The following VEGFC variants were observed in gnomAD, a reference collection of about 807,000 sequenced individuals.
The protein encoded by VEGFC is vascular endothelial growth factor C, also known as FLT4 ligand DHM.
In VEGFC, 12 loss-of-function variants were observed where a neutral mutation model predicts 46.1. That is an observed-to-expected ratio of 0.26 (90% CI 0.17 to 0.42). VEGFC has a LOEUF of 0.42. VEGFC is among the 10% of genes least tolerant of loss of function. VEGFC has a pLI of 1.00. For synonymous variants in VEGFC, 232 were observed against 195.5 expected, an observed-to-expected ratio of 1.19 and a Z score of -1.56; for missense variants, 488 against 529.4, an observed-to-expected ratio of 0.92 and a Z score of 0.77.
intron 3 of VEGFC, among the ~76,000 whole-genome samples, chr4:176,715,723 G>A (rs558067349): frequency 4.0e-4 from 59 of 148,988 alleles, no homozygotes; most frequent in Admixed American, 1.8e-3. Context: ...AAGAATTTCC[G>A]TAAGCTTTTT....
At chr4:176,694,615 T>A (rs2110976477) in intron 4 of VEGFC, among the ~76,000 whole-genome samples, 1 of 151,994 alleles carries the variant, frequency 6.6e-6, no homozygotes, top group East Asian at 1.9e-4. Context: ...AACTCAGTTC[T>A]GCACCAAGCG....
Position 176,792,239 on chromosome 4 carries a change from C to A in VEGFC, c.73G>T (p.Ala25Ser). The change falls in exon 1 of 7, where the codon GCG becomes TCG. Residue 25 changes from alanine (A) to serine (S), a missense_variant. Ala to Ser is a moderately conservative substitution (Grantham distance 99, BLOSUM62 1). Transcript: ENST00000618562. The surrounding 1 kb of genome is among the most constrained non-coding windows in gnomAD (Gnocchi z 6.3). The part of the protein sequence containing the change: ...AAALLPGPRE[A>S]PAAAAAFESG... ...TCGAAGGCGGCGGCGGCGGCGGGCG[C>A]CTCGCGAGGACCCGGGAGCAGCGCA... is the stretch of plus-strand genomic sequence containing the variant. 6.4e-7 allele frequency: 1 copy of A among 1,556,912 alleles called. No individual in the cohort carries two copies. Among genetic ancestry groups the A allele is most frequent in the Non-Finnish European group, 8.7e-7 (1 of 1,154,778 alleles).
At position 176,792,198 on chromosome 4, in the gene VEGFC, G is replaced by A. The variant is rs368695233; in HGVS notation, c.114C>T (p.Leu38=). The A allele has an allele frequency of 7.1e-4, 1,096 of 1,543,918 alleles. No individual in the cohort carries two copies. Among genetic ancestry groups the A allele is most frequent in the Non-Finnish European group, 8.9e-4 (1,027 of 1,149,602 alleles). ...AAAAFESGLD[L]SDAEPDAGEA... ...CGCCCGCGTCGGGCTCCGCGTCCGA[G>A]AGGTCGAGTCCGGACTCGAAGGCGG... The change falls in exon 1 of 7, where the codon CTC becomes CTT. Residue 38 remains leucine (L), a synonymous_variant. Coordinates refer to ENST00000618562, the MANE Select transcript of VEGFC (RefSeq NM_005429.5). The surrounding 1 kb of genome is among the most constrained non-coding windows in gnomAD (Gnocchi z 6.3).
At chr4:176,695,548 G>A (rs1437906916) in intron 4 of VEGFC, among the ~76,000 whole-genome samples, 1 of 151,162 alleles carries the variant, frequency 6.6e-6, no homozygotes, top group Non-Finnish European at 1.5e-5. Flanking sequence ...TCTACCAGAG[G>A]TACAAGGAGG....
At chr4:176,741,169 T>G (rs938341898) in intron 1 of VEGFC, among the ~76,000 whole-genome samples, 1 of 151,970 alleles carries the variant, frequency 6.6e-6, no homozygotes, top group Non-Finnish European at 1.5e-5. Flanking sequence ...GATCGGAAAG[T>G]TATACAACAC....
At chr4:176,688,388 C>G (rs140491375) in intron 4 of VEGFC, among the ~76,000 whole-genome samples, 16 of 152,224 alleles carry the variant, frequency 1.1e-4, no homozygotes, top group African/African-American at 3.6e-4. Flanking sequence ...AGGTAACTAT[C>G]TACATCACTT....
intron 6 of VEGFC, among the ~76,000 whole-genome samples, chr4:176,685,242 A>C (rs796631860): frequency 8.5e-5 from 13 of 152,370 alleles, no homozygotes; most frequent in African/African-American, 3.1e-4. Flanking sequence ...ATGCAAATTC[A>C]TAGTTATGAC....
At chr4:176,735,024 G>A (rs995038158) in intron 1 of VEGFC, among the ~76,000 whole-genome samples, 3 of 151,480 alleles carry the variant, frequency 2.0e-5, no homozygotes, top group African/African-American at 7.3e-5. Context: ...TATAGATGAT[G>A]AAGAGGCCAG....
chr4:176,774,604 G>A (rs748826706), intron 1 of VEGFC, among the ~76,000 whole-genome samples: 2 of 152,148 alleles, frequency 1.3e-5, no homozygotes, highest in South Asian at 4.1e-4. Context: ...ATCAAGAAAT[G>A]GAAAAATATA....
intron 1 of VEGFC, among the ~76,000 whole-genome samples, chr4:176,765,784 A>G (rs1735610440): frequency 6.6e-6 from 1 of 151,976 alleles, no homozygotes; most frequent in South Asian, 2.1e-4. Context: ...CAATCTCCTG[A>G]CCTCGTGATC....
At chr4:176,765,498 G>C (rs1735604077) in intron 1 of VEGFC, among the ~76,000 whole-genome samples, 2 of 150,296 alleles carry the variant, frequency 1.3e-5, no homozygotes, top group Admixed American at 6.6e-5. Context: ...CACAAAGAAA[G>C]CTACATCTAA....
At chr4:176,751,582 TTCTACATATATATTAAA>T (rs772365676) in intron 1 of VEGFC, among the ~76,000 whole-genome samples, 95 of 151,874 alleles carry the variant, frequency 6.3e-4, no homozygotes, top group Non-Finnish European at 1.2e-3. Context: ...TACAACAGAT[TTCTACATATATATTAAA>T]GCTATAGGCA....
chr4:176,683,940 G>T lies in VEGFC; in HGVS notation c.1246C>A (p.Pro416Thr), dbSNP rs745428027. The change falls in exon 7 of 7, where the codon CCA (proline) becomes ACA (threonine). Residue 416 changes from proline (P) to threonine (T), a missense_variant. Transcript: ENST00000618562. ...ACAGTACAATCTTAGCTCATTTGTGGTCTTTTCCAATATGAAGGGACACAA... is the reference window on the plus strand; with the variant it reads ...ACAGTACAATCTTAGCTCATTTGTGTTCTTTTCCAATATGAAGGGACACAA... ...CRCVPSYWKR[P>T]QMS is the part of the protein sequence containing the mutation. 1 of 1,613,308 alleles carries T rather than the reference G, an allele frequency of 6.2e-7. No individual in the cohort carries two copies. Among genetic ancestry groups the T allele is most frequent in the Non-Finnish European group, 8.5e-7 (1 of 1,179,268 alleles).
intron 4 of VEGFC, among the ~76,000 whole-genome samples, chr4:176,688,372 T>A (rs868530497): frequency 6.6e-6 from 1 of 152,216 alleles, no homozygotes; most frequent in African/African-American, 2.4e-5. Context: ...ATTTTATTCA[T>A]CTCTTAGGTA....
intron 1 of VEGFC, among the ~76,000 whole-genome samples, chr4:176,760,025 C>T (rs1735502174): frequency 6.6e-6 from 1 of 151,950 alleles, no homozygotes; most frequent in Non-Finnish European, 1.5e-5. Context: ...ACAAGGAGGA[C>T]ATAAAACAAA....
At chr4:176,751,297 T>C (rs192197692) in intron 1 of VEGFC, among the ~76,000 whole-genome samples, 25 of 152,032 alleles carry the variant, frequency 1.6e-4, no homozygotes, top group African/African-American at 5.5e-4. Flanking sequence ...AATTTTAGAA[T>C]TGAAACGCGA....
At chr4:176,688,361 T>C (rs71615207) in intron 4 of VEGFC, among the ~76,000 whole-genome samples, 2,633 of 152,304 alleles carry the variant, frequency 0.017, 35 homozygotes, top group Non-Finnish European at 0.023. Flanking sequence ...TACCATTATT[T>C]ATTTTATTCA....
chr4:176,722,247 C>G (rs372807298), intron 3 of VEGFC, among the ~76,000 whole-genome samples: 1 of 152,020 alleles, frequency 6.6e-6, no homozygotes, highest in African/African-American at 2.4e-5. Flanking sequence ...GTTGACAAAA[C>G]TCATATCAAC....
In VEGFC at chr4:176,792,447, G is replaced by A; in HGVS notation, c.-136C>T. 3 of 603,994 alleles carry A rather than the reference G, an allele frequency of 5.0e-6. No homozygotes were observed. Among genetic ancestry groups the A allele is most frequent in the Non-Finnish European group, 2.5e-6 (1 of 399,156 alleles). The allele number at this position is 603,994 out of a possible 1,614,324, so 37.4% of individuals were successfully genotyped here. On this transcript the variant is annotated 5_prime_UTR_variant, in exon 1 of 7. Transcript: ENST00000618562. The surrounding 1 kb of genome is among the most constrained non-coding windows in gnomAD (Gnocchi z 6.3). Reference sequence around the variant, plus strand: ...CCCGGCGACCCCCCCTGGGCGAGCCGGAGGCGGCGGGAGCGGGTCCGGGGC... The same window carrying A: ...CCCGGCGACCCCCCCTGGGCGAGCCAGAGGCGGCGGGAGCGGGTCCGGGGC...
Sources: allele counts gnomAD v4.1 joint callset (sites outside exome capture counted in the v4.1 genomes callset), GRCh38; gene constraint gnomAD v4.1.1; non-coding constraint Gnocchi (gnomAD v3.1); transcripts MANE v1.5; gene names NCBI Gene and HGNC (gene_info 2026-07-23, HGNC 2026-07-21).